Variants in REST observed in about 807,000 individuals in gnomAD.
The protein encoded by REST is RE1 silencing transcription factor.
Under a neutral mutation model 30.4 loss-of-function variants are expected in REST, and 1 was observed. That is an observed-to-expected ratio of 0.03 (90% CI 0.01 to 0.16). The LOEUF is 0.16. REST is among the 10% of genes least tolerant of loss of function. The pLI is 1.00. For synonymous variants in REST, 504 were observed against 451.1 expected (o/e 1.12, Z -1.49); for missense variants, 1,259 against 1,329.5 (o/e 0.95, Z 0.82).
intron 3 of REST, among the ~76,000 whole-genome samples, chr4:56,929,178 G>A (rs1216203100): frequency 2.0e-5 from 3 of 150,744 alleles, no homozygotes; most frequent in East Asian, 2.0e-4. Context: ...AGCAATTCTC[G>A]TGTCTCAGCC....
chr4:56,933,855 A>AT lies in REST; in HGVS notation c.*1709dup, dbSNP rs1281502988. 2 of 152,198 alleles carry AT rather than the reference A, an allele frequency of 1.3e-5. No individual in the cohort carries two copies. Among genetic ancestry groups the AT allele is most frequent in the African/African-American group, 4.8e-5 (2 of 41,446 alleles). The allele number at this position is 152,198 out of a possible 1,614,324, so 9.4% of individuals were successfully genotyped here. On this transcript the variant is annotated 3_prime_UTR_variant, in exon 4 of 4. Coordinates refer to ENST00000309042, the MANE Select transcript of REST (RefSeq NM_005612.5). ...TTTTGAAATAACCACTTTATATTTC[A>AT]TTTTTTAAAAATCTGATGATCTCTT...
intron 2 of REST, among the ~76,000 whole-genome samples, chr4:56,919,352 G>A (rs1240483421): frequency 3.3e-5 from 5 of 151,838 alleles, no homozygotes; most frequent in African/African-American, 1.2e-4. Flanking sequence ...CTTTCAAATG[G>A]TAGTAGATTC....
intron 3 of REST, among the ~76,000 whole-genome samples, chr4:56,925,082 T>C (rs991124054): frequency 6.6e-6 from 1 of 151,388 alleles, no homozygotes; most frequent in Non-Finnish European, 1.5e-5. Context: ...GGAGAATCAC[T>C]TGAACCCGGG....
rs1721078681 is a variant in REST, at chr4:56,934,364, A to G, written c.*2212A>G. On this transcript the variant is annotated 3_prime_UTR_variant, in exon 4 of 4. Coordinates refer to ENST00000309042, the MANE Select transcript of REST (RefSeq NM_005612.5). ...GGATTCTTTCATACTGCAAAGAAAA[A>G]CCATTTGCCTTTTGGGGAATTGAGC... is the stretch of plus-strand genomic sequence containing the variant. 1 of 152,126 alleles carries G rather than the reference A, an allele frequency of 6.6e-6. No individual in the cohort carries two copies. Among genetic ancestry groups the G allele is most frequent in the Non-Finnish European group, 1.5e-5 (1 of 67,998 alleles). 9.4% of individuals were successfully genotyped at this position (152,126 alleles called of 1,614,324 possible). A position where few individuals can be genotyped will look rare whatever the true frequency, so the allele number is the denominator to read the frequency against.
chr4:56,918,137 T>C (rs980567829), intron 2 of REST, among the ~76,000 whole-genome samples: 4 of 151,368 alleles, frequency 2.6e-5, no homozygotes, highest in Non-Finnish European at 5.9e-5. Flanking sequence ...TCTTAAATTC[T>C]TCAGTATTAA....
chr4:56,922,153 T>C (rs909776367), intron 3 of REST, among the ~76,000 whole-genome samples: 1 of 152,080 alleles, frequency 6.6e-6, no homozygotes, highest in African/African-American at 2.4e-5. Context: ...GGTTTTATTA[T>C]TTTTGGGTGT....
intron 1 of REST, chr4:56,908,782 C>T (rs1719746515): frequency 6.6e-6 from 1 of 151,934 alleles, no homozygotes; most frequent in African/African-American, 2.4e-5. Flanking sequence ...GCCGCTGGCC[C>T]CCGCGTCCGG....
intron 3 of REST, among the ~76,000 whole-genome samples, chr4:56,920,575 C>G (rs1439984512): frequency 6.6e-6 from 1 of 151,640 alleles, no homozygotes; most frequent in East Asian, 2.0e-4. Flanking sequence ...CTAGCCTGAC[C>G]AACATGGAGA....
chr4:56,920,347 G>A (rs138700833), intron 3 of REST, among the ~76,000 whole-genome samples: 1 of 150,426 alleles, frequency 6.6e-6, no homozygotes, highest in East Asian at 1.9e-4. Flanking sequence ...AGTTTAGCTT[G>A]AAAAAGAAAA....
intron 2 of REST, among the ~76,000 whole-genome samples, chr4:56,915,886 C>G (rs1056944542): frequency 2.0e-5 from 3 of 152,182 alleles, no homozygotes; most frequent in Non-Finnish European, 4.4e-5. Flanking sequence ...CATGTTTACA[C>G]AGGGGAAAAC....
chr4:56,925,387 AT>A (rs1254339993), intron 3 of REST, among the ~76,000 whole-genome samples: 1 of 151,960 alleles, frequency 6.6e-6, no homozygotes, highest in South Asian at 2.1e-4. Context: ...TAATTTAAAA[AT>A]TTTTTTGTAC....
Position 56,932,095 on chromosome 4 carries a change from C to A in REST, c.3237C>A (p.Leu1079=). 6.2e-7 allele frequency: 1 copy of A among 1,614,206 alleles called. No individual in the cohort carries two copies. Among genetic ancestry groups the A allele is most frequent in the Admixed American group, 1.7e-5 (1 of 60,024 alleles). ...AGGGAAAAGATTACAGCAAACACCT[C>A]AATCGCCATTTGGTTAATGTGTACT... The part of the protein sequence containing the change: ...FRKGKDYSKH[L]NRHLVNVYYL... The change falls in exon 4 of 4, where the codon CTC becomes CTA. Residue 1079 remains leucine, a synonymous_variant. Coordinates refer to ENST00000309042, the MANE Select transcript of REST (RefSeq NM_005612.5).
At chr4:56,915,956 C>T (rs1015359591) in intron 2 of REST, among the ~76,000 whole-genome samples, 2 of 152,162 alleles carry the variant, frequency 1.3e-5, no homozygotes, top group African/African-American at 2.4e-5. Flanking sequence ...CATTTATAGC[C>T]GTTCCACGAT....
chr4:56,915,523 C>A (rs933337197), intron 2 of REST, among the ~76,000 whole-genome samples: 3 of 152,132 alleles, frequency 2.0e-5, no homozygotes, highest in Admixed American at 2.0e-4. Flanking sequence ...GCTGGAATTA[C>A]AAGCGTGAGC....
chr4:56,926,413 G>A (rs759096810), intron 3 of REST, among the ~76,000 whole-genome samples: 7 of 149,726 alleles, frequency 4.7e-5, no homozygotes, highest in Non-Finnish European at 7.4e-5. Context: ...GTCTTGCTCT[G>A]TTGCCCAGGC....
intron 3 of REST, among the ~76,000 whole-genome samples, chr4:56,922,918 T>A (rs1720521397): frequency 1.3e-5 from 2 of 152,246 alleles, no homozygotes; most frequent in Non-Finnish European, 2.9e-5. Context: ...GGTCACTGCA[T>A]TTAGAATGAC....
chr4:56,915,217 A>ATT (rs1432674020), intron 2 of REST, among the ~76,000 whole-genome samples: 1 of 107,296 alleles, frequency 9.3e-6, no homozygotes, highest in Non-Finnish European at 1.9e-5. Flanking sequence ...CGCCTGGCCA[A>ATT]TTTTGTGTGT....
rs1357346142 is a variant in REST at position 56,931,456 on chromosome 4, A to G, written c.2598A>G (p.Pro866=). The change falls in exon 4 of 4, where the codon CCA becomes CCG. Residue 866 remains proline (P), a synonymous_variant. Coordinates refer to ENST00000309042, the MANE Select transcript of REST (RefSeq NM_005612.5). Reference sequence around the variant, plus strand: ...AGGATCTCTCACCACCATCACCACCACTGCCAAAGGAAAATTTAAGAGAAG... The same window carrying G: ...AGGATCTCTCACCACCATCACCACCGCTGCCAAAGGAAAATTTAAGAGAAG... The part of the protein sequence containing the change: ...STEDLSPPSP[P]LPKENLREEA... The G allele has an allele frequency of 6.2e-7, 1 of 1,614,218 alleles. No homozygotes were observed. The highest frequency in any genetic ancestry group is 8.5e-7 in the Non-Finnish European group (1 of 1,180,026).
rs1383675520 is a variant in REST at position 56,930,043 on chromosome 4, C to G, written c.1185C>G (p.Asp395Glu). ...NPRQFNCPVCDYAASKKCNLQ... is the reference protein window; with the variant it reads ...NPRQFNCPVCEYAASKKCNLQ... ...GGCAGTTCAATTGCCCTGTATGTGACTATGCAGCTTCCAAGAAGTGTAATC... is the reference window on the plus strand; with the variant it reads ...GGCAGTTCAATTGCCCTGTATGTGAGTATGCAGCTTCCAAGAAGTGTAATC... Residue 395 changes from aspartate (D) to glutamate (E), a missense_variant, in exon 4 of 4, where the codon GAC becomes GAG. Physicochemically the swap from Asp to Glu is conservative, Grantham distance 45. Transcript: ENST00000309042. 6.2e-7 allele frequency: 1 copy of G among 1,614,164 alleles called. No individual in the cohort carries two copies. The highest frequency in any genetic ancestry group is 2.2e-5 in the East Asian group (1 of 44,888).
Sources: allele counts gnomAD v4.1 joint callset (sites outside exome capture counted in the v4.1 genomes callset), GRCh38; gene constraint gnomAD v4.1.1; transcripts MANE v1.5; gene names NCBI Gene and HGNC (gene_info 2026-07-23, HGNC 2026-07-21).